The following HS6ST3 variants were observed in gnomAD, a reference collection of about 807,000 sequenced individuals.
HS6ST3 encodes heparan-sulfate 6-O-sulfotransferase 3.
Under a neutral mutation model 36.7 loss-of-function variants are expected in HS6ST3, and 12 were observed. The observed-to-expected ratio is 0.33, with a 90% confidence interval of 0.21 to 0.53. The LOEUF is 0.53. HS6ST3 is among the 20% of genes least tolerant of loss of function. The pLI is 0.95. For missense variants in HS6ST3, 584 were observed against 640.9 expected, an observed-to-expected ratio of 0.91 and a Z score of 0.96; for synonymous variants, 240 against 257.5, an observed-to-expected ratio of 0.93 and a Z score of 0.65.
At chr13:96,258,278 A>G (rs2054647261) in intron 1 of HS6ST3, among the ~76,000 whole-genome samples, 2 of 152,170 alleles carry the variant, frequency 1.3e-5, no homozygotes. Flanking sequence ...GGATAATATG[A>G]TCTCCGAATC....
intron 1 of HS6ST3, among the ~76,000 whole-genome samples, chr13:96,832,170 G>A (rs1439766666): frequency 6.6e-6 from 1 of 151,978 alleles, no homozygotes; most frequent in Non-Finnish European, 1.5e-5. Flanking sequence ...TAAATGTAAG[G>A]TATTGTTATT....
intron 1 of HS6ST3, among the ~76,000 whole-genome samples, chr13:96,601,433 A>G (rs548296310): frequency 6.3e-4 from 96 of 152,106 alleles, no homozygotes; most frequent in African/African-American, 2.1e-3. Flanking sequence ...TGTATTTTGT[A>G]ATTCCCTAAC....
chr13:96,664,953 C>T, intron 1 of HS6ST3, among the ~76,000 whole-genome samples: 1 of 152,238 alleles, frequency 6.6e-6, no homozygotes, highest in Middle Eastern at 3.4e-3. Context: ...AGGAGGATTG[C>T]TTGAGTTCAA....
intron 1 of HS6ST3, among the ~76,000 whole-genome samples, chr13:96,316,148 A>G (rs1697543425): frequency 6.6e-6 from 1 of 152,202 alleles, no homozygotes; most frequent in African/African-American, 2.4e-5. Flanking sequence ...ATAAGATTAT[A>G]TTTATATATA....
intron 1 of HS6ST3, among the ~76,000 whole-genome samples, chr13:96,685,648 G>A (rs950885876): frequency 6.6e-6 from 1 of 152,080 alleles, no homozygotes; most frequent in African/African-American, 2.4e-5. Context: ...ACCCGTCGGA[G>A]AGCATACCTC....
chr13:96,727,887 A>G (rs1290644675), intron 1 of HS6ST3, among the ~76,000 whole-genome samples: 1 of 152,112 alleles, frequency 6.6e-6, no homozygotes, highest in Non-Finnish European at 1.5e-5. Flanking sequence ...TTTCCATACA[A>G]CTTTCAAATT....
chr13:96,179,520 C>T (rs914183712), intron 1 of HS6ST3, among the ~76,000 whole-genome samples: 1 of 152,208 alleles, frequency 6.6e-6, no homozygotes, highest in Non-Finnish European at 1.5e-5. Flanking sequence ...AAGCTCTGTG[C>T]TGGGCCCACT....
intron 1 of HS6ST3, among the ~76,000 whole-genome samples, chr13:96,667,285 T>G (rs2056667234): frequency 6.6e-6 from 1 of 152,172 alleles, no homozygotes; most frequent in South Asian, 2.1e-4. Context: ...TCTGAAAGGG[T>G]CAGTATCCAA....
intron 1 of HS6ST3, among the ~76,000 whole-genome samples, chr13:96,552,527 T>TG (rs2056223310): frequency 6.6e-6 from 1 of 152,162 alleles, no homozygotes; most frequent in South Asian, 2.1e-4. Context: ...GTTTCCCTCC[T>TG]GGGGGCTATG....
At chr13:96,297,283 C>T (rs530327170) in intron 1 of HS6ST3, among the ~76,000 whole-genome samples, 129 of 152,102 alleles carry the variant, frequency 8.5e-4, no homozygotes, top group Non-Finnish European at 1.6e-3. Context: ...ACTAGTTTTC[C>T]ACAATGACCA....
chr13:96,259,380 G>A (rs1433599494), intron 1 of HS6ST3, among the ~76,000 whole-genome samples: 1 of 152,168 alleles, frequency 6.6e-6, no homozygotes, highest in African/African-American at 2.4e-5. Flanking sequence ...CATAGGAGAT[G>A]ACTGTGGTCC....
intron 1 of HS6ST3, among the ~76,000 whole-genome samples, chr13:96,617,052 TAAAC>T (rs2138992259): frequency 1.3e-5 from 2 of 152,346 alleles, no homozygotes; most frequent in African/African-American, 4.8e-5. Flanking sequence ...GCTGGCATCT[TAAAC>T]TAATTTATAG....
intron 1 of HS6ST3, among the ~76,000 whole-genome samples, chr13:96,746,458 G>C (rs932743309): frequency 6.6e-6 from 1 of 152,106 alleles, no homozygotes; most frequent in African/African-American, 2.4e-5. Context: ...AAGGAATATA[G>C]AATGTGCTAA....
At chr13:96,591,910 A>T (rs2056383732) in intron 1 of HS6ST3, among the ~76,000 whole-genome samples, 1 of 151,936 alleles carries the variant, frequency 6.6e-6, no homozygotes, top group South Asian at 2.1e-4. Context: ...TATTTGAAGG[A>T]ATATTGAAAT....
At chr13:96,151,576 C>T (rs1012337031) in intron 1 of HS6ST3, among the ~76,000 whole-genome samples, 65 of 152,314 alleles carry the variant, frequency 4.3e-4, no homozygotes, top group African/African-American at 1.4e-3. Flanking sequence ...AAAAACATTA[C>T]TGTAGTAATT....
intron 1 of HS6ST3, among the ~76,000 whole-genome samples, chr13:96,292,009 T>C (rs960987750): frequency 1.3e-5 from 2 of 152,144 alleles, no homozygotes; most frequent in African/African-American, 4.8e-5. Context: ...TTTTCTGTGA[T>C]TAAATATGCT....
intron 1 of HS6ST3, among the ~76,000 whole-genome samples, chr13:96,451,220 A>G (rs1041950866): frequency 2.6e-5 from 4 of 151,952 alleles, no homozygotes; most frequent in Non-Finnish European, 5.9e-5. Flanking sequence ...CACATTACCT[A>G]TTTTTCTACT....
intron 1 of HS6ST3, among the ~76,000 whole-genome samples, chr13:96,477,019 A>G (rs1218887264): frequency 6.6e-6 from 1 of 152,190 alleles, no homozygotes; most frequent in Non-Finnish European, 1.5e-5. Context: ...CCTATGTGTA[A>G]TGTTTTAAAA....
chr13:96,318,050 T>G (rs2054984784), intron 1 of HS6ST3, among the ~76,000 whole-genome samples: 1 of 152,162 alleles, frequency 6.6e-6, no homozygotes, highest in African/African-American at 2.4e-5. Context: ...GCTCTTTAGT[T>G]TAATTAGGTT....
Sources: allele counts gnomAD v4.1 joint callset (sites outside exome capture counted in the v4.1 genomes callset), GRCh38; gene constraint gnomAD v4.1.1; transcripts MANE v1.5; gene names NCBI Gene and HGNC (gene_info 2026-07-23, HGNC 2026-07-21).